The following CSMD1 variants were observed in gnomAD, a reference collection of about 807,000 sequenced individuals.
CSMD1 encodes CUB and Sushi multiple domains 1.
CSMD1 carries 213 observed loss-of-function variants against 417.5 expected under a neutral mutation model. That is an observed-to-expected ratio of 0.51 (90% confidence interval 0.46 to 0.57). CSMD1 has a LOEUF of 0.57. Ranked by LOEUF, CSMD1 falls within the 20% of genes least tolerant of loss-of-function variation. CSMD1 has a pLI of 0.00. For synonymous variants in CSMD1, 2,862 were observed against 1,736.8 expected, an observed-to-expected ratio of 1.65 and a Z score of -16.11; for missense variants, 6,923 against 4,529.7, an observed-to-expected ratio of 1.53 and a Z score of -15.17.
Position 3,042,285 on chromosome 8 carries a change from C to G in CSMD1, c.7660+10177G>C, listed in dbSNP as rs113639318. On this transcript the variant is annotated intron_variant, in intron 50 of 69. Coordinates refer to ENST00000635120, the MANE Select transcript of CSMD1 (RefSeq NM_033225.6). ...CTATCTAGCACAGAGACTCGTGCAT[C>G]TCCTTAGCTAAGGTACCAAACTGAC... Among the ~76,000 whole-genome samples, 931 of 152,156 alleles carry G rather than the reference C, an allele frequency of 6.1e-3. 9 individuals are homozygous for G. The highest frequency in any genetic ancestry group is 0.019 in the African/African-American group (796 of 41,522).
intron 1 of CSMD1, among the ~76,000 whole-genome samples, chr8:4,728,156 T>C (rs111302708): frequency 5.0e-4 from 73 of 147,422 alleles, no homozygotes; most frequent in African/African-American, 1.8e-3. Context: ...CAAATATATA[T>C]ATTTTATATA....
chr8:4,148,804 G>T (rs1021909098), intron 3 of CSMD1, among the ~76,000 whole-genome samples: 3 of 152,136 alleles, frequency 2.0e-5, no homozygotes, highest in African/African-American at 7.2e-5. Flanking sequence ...CATTGGGAAG[G>T]GATGTCATGA....
chr8:4,473,044 T>C (rs1800622217), intron 2 of CSMD1, among the ~76,000 whole-genome samples: 1 of 152,106 alleles, frequency 6.6e-6, no homozygotes, highest in Non-Finnish European at 1.5e-5. Context: ...AATATTCAAA[T>C]TCTGCATTAA....
intron 1 of CSMD1, among the ~76,000 whole-genome samples, chr8:4,683,273 T>A (rs911831277): frequency 5.9e-5 from 9 of 152,014 alleles, no homozygotes; most frequent in African/African-American, 2.2e-4. Context: ...TTAAAAGTAA[T>A]TAAGATAAAA....
intron 2 of CSMD1, among the ~76,000 whole-genome samples, chr8:4,610,415 T>C (rs1472523333): frequency 1.3e-5 from 2 of 152,204 alleles, no homozygotes; most frequent in South Asian, 4.1e-4. Flanking sequence ...TATGTTCTTT[T>C]TATGGTTAAG....
intron 16 of CSMD1, 40 bp downstream of exon 16, chr8:3,399,351 C>A: frequency 6.5e-7 from 1 of 1,538,564 alleles, no homozygotes; most frequent in Non-Finnish European, 8.8e-7. Context: ...GGAAGAGACA[C>A]ACACCATTGG....
chr8:4,462,784 AGG>A lies in CSMD1; in HGVS notation c.303-42721_303-42720del, dbSNP rs1447140085. On this transcript the variant is annotated intron_variant, in intron 2 of 69. Transcript: ENST00000635120. The stretch of plus-strand genomic sequence containing the variant: ...GCTCAGACAACTGAGTATCCACAAG[AGG>A]GTACCCCTTCCTTACACTATCCACA... Among the ~76,000 whole-genome samples, 5 of 150,282 alleles carry A rather than the reference AGG, an allele frequency of 3.3e-5. No homozygotes were observed. The South Asian group carries it at 8.3e-4, about 25-fold the overall frequency.
rs201773293 is a variant in CSMD1, at chr8:3,060,381, TTGAACTCCTTGAACTCC to T, written c.7475-7751_7475-7735del. Among the ~76,000 whole-genome samples, 355 of 152,036 alleles carry T rather than the reference TTGAACTCCTTGAACTCC, an allele frequency of 2.3e-3. 1 individual carries two copies. The highest frequency in any genetic ancestry group is 0.019 in the Admixed American group (283 of 15,254). Reference sequence around the variant, plus strand: ...GACTGATCTTGAACTCCTGAACTCCTTGAACTCCTTGAACTCCTGAACTCCTTGAACTCCTGAACTCA... The same window carrying T: ...GACTGATCTTGAACTCCTGAACTCCTTGAACTCCTTGAACTCCTGAACTCA... On this transcript the variant is annotated intron_variant, in intron 49 of 69. Coordinates refer to ENST00000635120, the MANE Select transcript of CSMD1 (RefSeq NM_033225.6).
At chr8:4,225,186 T>C (rs1246407367) in intron 3 of CSMD1, among the ~76,000 whole-genome samples, 2 of 152,170 alleles carry the variant, frequency 1.3e-5, no homozygotes, top group Non-Finnish European at 2.9e-5. Flanking sequence ...TCAGGACACA[T>C]GGCAACTCAG....
At chr8:4,204,716 C>G (rs543263529) in intron 3 of CSMD1, among the ~76,000 whole-genome samples, 6 of 152,230 alleles carry the variant, frequency 3.9e-5, no homozygotes, top group East Asian at 1.9e-4. Flanking sequence ...ATGCAGCAGT[C>G]AGATCATAGC....
intron 1 of CSMD1, among the ~76,000 whole-genome samples, chr8:4,848,502 T>C (rs569727878): frequency 6.6e-6 from 1 of 152,208 alleles, no homozygotes; most frequent in African/African-American, 2.4e-5. Context: ...CTGCCAGTCA[T>C]TAAAAGTCTA....
chr8:3,699,717 G>C (rs934766203), intron 7 of CSMD1, among the ~76,000 whole-genome samples: 2 of 152,230 alleles, frequency 1.3e-5, no homozygotes, highest in Admixed American at 6.5e-5. Flanking sequence ...AGAAGGAACA[G>C]ATGCTGATCA....
chr8:3,983,258 G>A (rs1554506735), intron 5 of CSMD1, among the ~76,000 whole-genome samples: 1 of 151,732 alleles, frequency 6.6e-6, no homozygotes, highest in Non-Finnish European at 1.5e-5. Context: ...AGCCTCCCGA[G>A]TAGCTGGGAC....
intron 1 of CSMD1, among the ~76,000 whole-genome samples, chr8:4,831,515 C>T (rs925946781): frequency 6.6e-6 from 1 of 151,976 alleles, no homozygotes; most frequent in Non-Finnish European, 1.5e-5. Flanking sequence ...TTGCATGGTA[C>T]ATATTTTTTT....
intron 26 of CSMD1, among the ~76,000 whole-genome samples, chr8:3,253,064 C>T (rs1006722995): frequency 6.6e-6 from 1 of 152,080 alleles, no homozygotes; most frequent in African/African-American, 2.4e-5. Flanking sequence ...TTCTTTCCTT[C>T]TGCTAGCTTT....
rs62481017 is a variant in CSMD1, at chr8:4,447,297, G to A, written c.303-27232C>T. On this transcript the variant is annotated intron_variant, in intron 2 of 69. Coordinates refer to ENST00000635120, the MANE Select transcript of CSMD1 (RefSeq NM_033225.6). The stretch of plus-strand genomic sequence containing the variant: ...AGCAAATCAAAGTCTGAGGCAGACC[G>A]TGATCATTATTATTACAATGAATTA... Among the ~76,000 whole-genome samples, 1,241 of 152,248 alleles carry A rather than the reference G, an allele frequency of 8.2e-3. 9 individuals carry two copies. Among genetic ancestry groups the A allele is most frequent in the Non-Finnish European group, 0.013 (866 of 68,010 alleles).
rs570636304 is a variant in CSMD1, at chr8:3,708,152, G to C, written c.1009+262C>G. Among the ~76,000 whole-genome samples, 17 of 152,280 alleles carry C rather than the reference G, an allele frequency of 1.1e-4. No individual in the cohort carries two copies. The East Asian group carries it at 1.5e-3, about 14-fold the overall frequency. On this transcript the variant is annotated intron_variant, in intron 7 of 69. Transcript: ENST00000635120. ...GACTGACCGTGTCACATATACTTAA[G>C]AGAGACATCTGGAGGGTCCAGTCTC...
intron 12 of CSMD1, among the ~76,000 whole-genome samples, chr8:3,414,195 G>T (rs1206474650): frequency 2.1e-5 from 1 of 46,764 alleles, no homozygotes. Flanking sequence ...TCAATTCAAA[G>T]ACTGATGCAC....
chr8:3,296,420 G>A (rs543131620), intron 25 of CSMD1, among the ~76,000 whole-genome samples: 36 of 152,224 alleles, frequency 2.4e-4, no homozygotes, highest in African/African-American at 7.9e-4. Context: ...TTGGATGGTG[G>A]GAGAGAGGTG....
Sources: gnomAD v4.1 joint callset for allele counts (sites outside exome capture counted in the v4.1 genomes callset) on GRCh38, gnomAD v4.1.1 for gene constraint, MANE v1.5 for transcripts, NCBI Gene and HGNC (gene_info 2026-07-23, HGNC 2026-07-21) for gene names.